Variants in TENM2 observed in about 807,000 individuals in gnomAD.
TENM2 encodes the protein teneurin-2.
A neutral mutation model predicts 245.2 loss-of-function variants in TENM2; 52 were observed. The ratio of observed to expected loss-of-function variants is 0.21; its 90% confidence interval spans 0.17 to 0.27. The LOEUF (loss-of-function observed/expected upper bound fraction) is 0.27. Ranked by LOEUF, TENM2 falls within the 10% of genes least tolerant of loss-of-function variation. The pLI is 1.00. For synonymous variants in TENM2, 1,363 were observed against 1,438.9 expected (o/e 0.95, Z 1.19); for missense variants, 3,046 against 3,666.8 (o/e 0.83, Z 4.37).
chr5:167,625,995 A>G (rs965610499), intron 2 of TENM2, among the ~76,000 whole-genome samples: 1 of 152,160 alleles, frequency 6.6e-6, no homozygotes, highest in African/African-American at 2.4e-5. Flanking sequence ...CATCTCTTCT[A>G]TGACCCAACC....
At chr5:167,322,767 C>T (rs1756847371) in intron 1 of TENM2, among the ~76,000 whole-genome samples, 1 of 152,164 alleles carries the variant, frequency 6.6e-6, no homozygotes, top group Non-Finnish European at 1.5e-5. Context: ...TTGAGAGAAC[C>T]ATTAAACACC....
At chr5:167,872,185 T>C (rs1772881560) in intron 2 of TENM2, among the ~76,000 whole-genome samples, 1 of 151,302 alleles carries the variant, frequency 6.6e-6, no homozygotes, top group Non-Finnish European at 1.5e-5. Context: ...CCCAGCTACT[T>C]GTGGGGACTG....
At chr5:168,123,600 C>A (rs972606299) in intron 10 of TENM2, among the ~76,000 whole-genome samples, 6 of 151,746 alleles carry the variant, frequency 4.0e-5, no homozygotes, top group African/African-American at 1.5e-4. Flanking sequence ...GAATAGAATT[C>A]AAAGTGGTCT....
At chr5:167,687,154 G>A (rs1344973112) in intron 2 of TENM2, among the ~76,000 whole-genome samples, 1 of 152,104 alleles carries the variant, frequency 6.6e-6, no homozygotes, top group African/African-American at 2.4e-5. Context: ...GGGGAAAATT[G>A]ACTCAGGCTG....
At chr5:167,214,871 CCA>C in the TENM2 span, among the ~76,000 whole-genome samples, 1 of 152,146 alleles carries the variant, frequency 6.6e-6, no homozygotes, top group Non-Finnish European at 1.5e-5. Context: ...GGAACTGTAA[CCA>C]CAGCAGTGTA....
intron 2 of TENM2, among the ~76,000 whole-genome samples, chr5:167,511,181 A>G (rs1026983533): frequency 5.9e-5 from 9 of 152,228 alleles, no homozygotes; most frequent in Admixed American, 1.3e-4. Flanking sequence ...ACAATCTAGT[A>G]GAGAAGAGAT....
chr5:167,017,238 G>A, the TENM2 span, among the ~76,000 whole-genome samples: 1 of 152,160 alleles, frequency 6.6e-6, no homozygotes, highest in Non-Finnish European at 1.5e-5. Context: ...TTATATCCAG[G>A]TCTTTTTCAT....
At chr5:167,212,328 C>T in the TENM2 span, among the ~76,000 whole-genome samples, 1 of 152,130 alleles carries the variant, frequency 6.6e-6, no homozygotes, top group Non-Finnish European at 1.5e-5. Context: ...TTCTCTGGGT[C>T]CCTGTTCATT....
intron 2 of TENM2, among the ~76,000 whole-genome samples, chr5:167,729,280 G>A (rs1760251566): frequency 6.6e-6 from 1 of 152,148 alleles, no homozygotes; most frequent in African/African-American, 2.4e-5. Context: ...ACTGATTTCT[G>A]TAATAGAAAG....
chr5:168,122,986 A>T (rs1307798626), intron 10 of TENM2, among the ~76,000 whole-genome samples: 1 of 152,162 alleles, frequency 6.6e-6, no homozygotes, highest in Non-Finnish European at 1.5e-5. Context: ...TTTAGAGCCA[A>T]TACGTCATCA....
chr5:167,920,112 C>T lies in TENM2; in HGVS notation c.713-32476C>T, dbSNP rs190451736. On this transcript the variant is annotated intron_variant, in intron 3 of 28. Coordinates refer to ENST00000518659, the Ensembl canonical transcript of TENM2. ...CAAGTAGATGCTCAGACTAAAAATG[C>T]AAAACTGCTACGTTTCAGAAGTGAC... Among the ~76,000 whole-genome samples, 165 of 152,110 alleles carry T rather than the reference C, an allele frequency of 1.1e-3. 1 individual carries two copies. The highest frequency in any genetic ancestry group is 1.3e-3 in the Admixed American group (20 of 15,282).
rs1447310748 is a variant in TENM2, at chr5:167,776,168, C to CACACACACAG, written c.503-99809_503-99808insGACACACACA. Among the ~76,000 whole-genome samples the CACACACACAG allele has an allele frequency of 1.6e-4, 24 of 149,668 alleles. 1 individual carries two copies. The highest frequency in any genetic ancestry group is 5.4e-4 in the African/African-American group (22 of 40,686). Reference sequence around the variant, plus strand: ...GTGAAAGGAAAAAAAAATCCACACACACACACACACACACACACACACAGA... The same window carrying CACACACACAG: ...GTGAAAGGAAAAAAAAATCCACACACACACACACAGACACACACACACACACACACACAGA... On this transcript the variant is annotated intron_variant, in intron 2 of 28. Transcript: ENST00000518659.
At chr5:167,843,401 C>G (rs1476380380) in intron 2 of TENM2, among the ~76,000 whole-genome samples, 2 of 152,146 alleles carry the variant, frequency 1.3e-5, no homozygotes, top group African/African-American at 4.8e-5. Context: ...TGAAAAGCAT[C>G]CATTTCGAAT....
At chr5:167,969,280 C>T (rs780841801) in intron 4 of TENM2, among the ~76,000 whole-genome samples, 5 of 151,832 alleles carry the variant, frequency 3.3e-5, no homozygotes, top group Non-Finnish European at 5.9e-5. Context: ...ATGCTCTTCT[C>T]GTGGTAGTGA....
At chr5:167,388,729 T>C (rs1235742813) in intron 2 of TENM2, among the ~76,000 whole-genome samples, 1 of 152,130 alleles carries the variant, frequency 6.6e-6, no homozygotes, top group East Asian at 1.9e-4. Context: ...AATAATTTTT[T>C]ACTTTCCATC....
At chr5:167,852,225 CA>C in intron 2 of TENM2, among the ~76,000 whole-genome samples, 1 of 152,146 alleles carries the variant, frequency 6.6e-6, no homozygotes, top group Admixed American at 6.5e-5. Context: ...AATAAAAGCA[CA>C]ATTGAACTTA....
chr5:168,184,787 G>A (rs189924867), intron 13 of TENM2, among the ~76,000 whole-genome samples: 126 of 152,306 alleles, frequency 8.3e-4, no homozygotes, highest in African/African-American at 2.8e-3. Flanking sequence ...TTACTAGTAA[G>A]CGTTTAATGG....
chr5:168,047,500 C>G lies in TENM2; in HGVS notation c.1260C>G (p.Thr420=), dbSNP rs1195854530. The G allele has an allele frequency of 5.8e-6, 9 of 1,551,692 alleles. No homozygotes were observed. In the East Asian group the frequency reaches 2.2e-4, roughly 38 times the overall value. The change falls in exon 6 of 29, where the codon ACC becomes ACG. Residue 420 remains threonine (T), a synonymous_variant. Transcript: ENST00000518659. ...ACACCTTTAACAATGGGATAAGGACCGGCTTACCAGGAAACGATGATGTGG... is the reference window on the plus strand; with the variant it reads ...ACACCTTTAACAATGGGATAAGGACGGGCTTACCAGGAAACGATGATGTGG...
the TENM2 span, among the ~76,000 whole-genome samples, chr5:167,238,694 C>CAAAAAAAAAAAAA: frequency 1.2e-4 from 7 of 58,108 alleles, no homozygotes; most frequent in African/African-American, 2.5e-4. Flanking sequence ...ACAGGAGATG[C>CAAAAAAAAAAAAA]AAAAAAAAAA....
Sources: gnomAD v4.1 joint callset for allele counts (sites outside exome capture counted in the v4.1 genomes callset) on GRCh38, gnomAD v4.1.1 for gene constraint, MANE v1.5 for transcripts, NCBI Gene and HGNC (gene_info 2026-07-23, HGNC 2026-07-21) for gene names.